The following SND1 variants were observed in gnomAD, a reference collection of about 807,000 sequenced individuals.
The protein encoded by SND1 is staphylococcal nuclease and tudor domain containing 1, also known as staphylococcal nuclease domain-containing protein 1.
In SND1, 38 loss-of-function variants were observed where a neutral mutation model predicts 121.7. The observed-to-expected ratio is 0.31, with a 90% CI of 0.24 to 0.41. The LOEUF (loss-of-function observed/expected upper bound fraction) is 0.41, where lower values mean the gene tolerates loss of function less well. Ranked by LOEUF, SND1 falls within the 10% of genes least tolerant of loss-of-function variation. The probability of loss-of-function intolerance (pLI) is 1.00; values close to 1 mark genes in which losing one functional copy is unlikely to be tolerated. For synonymous variants in SND1, 401 were observed against 447.4 expected (o/e 0.90, Z 1.31); for missense variants, 868 against 1,184.6 (o/e 0.73, Z 3.92).
rs187858774 is a variant in SND1 at position 127,863,390 on chromosome 7, G to A, written c.1343+18966G>A. Among the ~76,000 whole-genome samples, 4 of 152,146 alleles carry A rather than the reference G, an allele frequency of 2.6e-5. No individual in the cohort carries two copies. In the East Asian group the frequency reaches 7.7e-4, roughly 29 times the overall value. ...CAGTTTATTTACTGTAGAGTCTTAT[G>A]GCCAGAGTGTTAATATACCTTGAAA... On this transcript the variant is annotated intron_variant, in intron 12 of 23. Transcript: ENST00000354725.
At chr7:127,718,838 C>T (rs576979070) in intron 9 of SND1, 8 of 704,140 alleles carry the variant, frequency 1.1e-5, no homozygotes, top group East Asian at 2.7e-4. Context: ...AGATATTTCT[C>T]GTGTCTTGAT....
intron 14 of SND1, among the ~76,000 whole-genome samples, chr7:127,914,799 T>C (rs879363994): frequency 6.6e-6 from 1 of 152,162 alleles, no homozygotes; most frequent in Non-Finnish European, 1.5e-5. Flanking sequence ...GCTCTAACAT[T>C]AGATTACTGG....
intron 16 of SND1, among the ~76,000 whole-genome samples, chr7:128,068,651 T>G (rs1156430073): frequency 1.3e-5 from 2 of 152,182 alleles, no homozygotes; most frequent in African/African-American, 2.4e-5. Context: ...GGCCACCCCC[T>G]TCCTCCATGT....
chr7:128,052,701 A>T lies in SND1; in HGVS notation c.1780-21801A>T, dbSNP rs187696902. Among the ~76,000 whole-genome samples, 1 of 152,334 alleles carries T rather than the reference A, an allele frequency of 6.6e-6. No individual in the cohort carries two copies. Among genetic ancestry groups the T allele is most frequent in the East Asian group, 1.9e-4 (1 of 5,172 alleles). ...CGTCAAGGGAAATCAGATGAAATCC[A>T]TCTCCTTGTCCAAAGCCTGGCCCGA... On this transcript the variant is annotated intron_variant, in intron 16 of 23. Coordinates refer to ENST00000354725, the MANE Select transcript of SND1 (RefSeq NM_014390.4). The surrounding 1 kb of genome is among the most constrained non-coding windows in gnomAD (Gnocchi z 4.6).
intron 16 of SND1, among the ~76,000 whole-genome samples, chr7:127,993,357 A>T (rs186262299): frequency 2.6e-5 from 4 of 152,150 alleles, no homozygotes; most frequent in Admixed American, 2.6e-4. Context: ...TACTCCCCCA[A>T]CCCCACAAAG....
At chr7:128,086,064 G>A (rs1407597282) in intron 20 of SND1, among the ~76,000 whole-genome samples, 1 of 152,192 alleles carries the variant, frequency 6.6e-6, no homozygotes, top group Admixed American at 6.5e-5. Context: ...TGCAGAATGG[G>A]GGCAGGGCCT....
chr7:127,809,901 A>G (rs1221911721), intron 11 of SND1, among the ~76,000 whole-genome samples: 2 of 152,162 alleles, frequency 1.3e-5, no homozygotes, highest in Non-Finnish European at 2.9e-5. Context: ...TAATTAAATT[A>G]CCCATACTTC....
chr7:127,652,745 A>G (rs1399191041), intron 1 of SND1, among the ~76,000 whole-genome samples: 3 of 152,154 alleles, frequency 2.0e-5, no homozygotes, highest in African/African-American at 4.8e-5. Context: ...ATTAACAGAG[A>G]CAATTCGTTG....
chr7:127,709,035 T>C (rs764052768), intron 9 of SND1, among the ~76,000 whole-genome samples: 66 of 152,338 alleles, frequency 4.3e-4, no homozygotes, highest in Non-Finnish European at 3.8e-4. Flanking sequence ...TCTAGTGGCC[T>C]CTTTCCCTCT....
chr7:127,799,827 C>T (rs1359689333), intron 10 of SND1, among the ~76,000 whole-genome samples: 1 of 152,088 alleles, frequency 6.6e-6, no homozygotes, highest in Non-Finnish European at 1.5e-5. Context: ...CTGCTTTTTC[C>T]TTGAAACAAC....
In SND1 at chr7:127,698,896, C is replaced by G. The variant is rs772581987; in HGVS notation, c.371C>G (p.Ala124Gly). The G allele has an allele frequency of 6.2e-7, 1 of 1,613,682 alleles. No homozygotes were observed. The highest frequency in any genetic ancestry group is 1.1e-5 in the South Asian group (1 of 91,070). The stretch of plus-strand genomic sequence containing the variant: ...TCAGATACCAATGGGGAAAACATTG[C>G]AGAATCACTGGTTGCAGAGGGCTTA... The part of the protein sequence containing the change: ...LGKDTNGENI[A>G]ESLVAEGLAT... The change falls in exon 4 of 24, where the codon GCA becomes GGA. Residue 124 changes from alanine to glycine, a missense_variant. Physicochemically the swap from Ala to Gly is moderately conservative, Grantham distance 60. Transcript: ENST00000354725.
intron 10 of SND1, among the ~76,000 whole-genome samples, chr7:127,802,343 G>T (rs1798148132): frequency 6.6e-6 from 1 of 152,016 alleles, no homozygotes; most frequent in South Asian, 2.1e-4. Context: ...ACATTCTCTT[G>T]TGCACCCATT....
chr7:127,798,475 G>A (rs1798066540), intron 10 of SND1, among the ~76,000 whole-genome samples: 2 of 152,036 alleles, frequency 1.3e-5, no homozygotes, highest in African/African-American at 2.4e-5. Context: ...AGGAATATTT[G>A]GAAATTTTGT....
At chr7:127,788,478 T>C (rs1468235104) in intron 10 of SND1, among the ~76,000 whole-genome samples, 1 of 152,244 alleles carries the variant, frequency 6.6e-6, no homozygotes, top group East Asian at 1.9e-4. Context: ...TTTAATAAAG[T>C]CGATTTTCAC....
At chr7:127,670,093 T>G (rs1795489957) in intron 1 of SND1, among the ~76,000 whole-genome samples, 1 of 151,924 alleles carries the variant, frequency 6.6e-6, no homozygotes, top group African/African-American at 2.4e-5. Context: ...TGGGTTCAAG[T>G]GATTCTTGTG....
At chr7:127,978,595 C>T (rs1802183370) in intron 15 of SND1, among the ~76,000 whole-genome samples, 1 of 152,170 alleles carries the variant, frequency 6.6e-6, no homozygotes, top group Non-Finnish European at 1.5e-5. Flanking sequence ...GTTAAGGGCA[C>T]ATACCTGTGG....
intron 10 of SND1, among the ~76,000 whole-genome samples, chr7:127,783,583 C>T (rs930457292): frequency 2.6e-5 from 4 of 152,102 alleles, no homozygotes; most frequent in Admixed American, 1.3e-4. Flanking sequence ...ATTAAGATTG[C>T]CATGTTAAAG....
chr7:127,880,156 A>G (rs913233330), intron 12 of SND1, among the ~76,000 whole-genome samples: 6 of 152,208 alleles, frequency 3.9e-5, no homozygotes, highest in African/African-American at 7.2e-5. Context: ...TCTCCACTGT[A>G]TCCAGATTGT....
chr7:127,861,967 G>C (rs1362268), intron 12 of SND1, among the ~76,000 whole-genome samples: 132,774 of 152,258 alleles, frequency 0.87, 58,128 homozygotes, highest in African/African-American at 0.93. Flanking sequence ...AAGACTTTTT[G>C]ACATTGATAG....
Sources: gnomAD v4.1 joint callset for allele counts (sites outside exome capture counted in the v4.1 genomes callset) on GRCh38, gnomAD v4.1.1 for gene constraint, Gnocchi (gnomAD v3.1) non-coding constraint, MANE v1.5 for transcripts, NCBI Gene and HGNC (gene_info 2026-07-23, HGNC 2026-07-21) for gene names.